FDFT1: variants seen among roughly 807,000 people sequenced by gnomAD.
The protein encoded by FDFT1 is farnesyl-diphosphate farnesyltransferase 1.
Under a neutral mutation model 46.8 loss-of-function variants are expected in FDFT1, and 68 were observed. The observed-to-expected ratio is 1.45, with a 90% CI of 1.19 to 1.78. The LOEUF (loss-of-function observed/expected upper bound fraction) is 1.78. Ranked by LOEUF, FDFT1 falls within the 40% of genes most tolerant of loss-of-function variation. The pLI, the probability that FDFT1 is intolerant of heterozygous loss-of-function variation, is 0.00. For missense variants in FDFT1, 928 were observed against 524.4 expected, an observed-to-expected ratio of 1.77 and a Z score of -7.52; for synonymous variants, 351 against 185.1, an observed-to-expected ratio of 1.90 and a Z score of -7.28.
At chr8:11,823,132 T>G (rs1809494874) in intron 4 of FDFT1, among the ~76,000 whole-genome samples, 2 of 152,046 alleles carry the variant, frequency 1.3e-5, no homozygotes, top group African/African-American at 4.8e-5. Context: ...TTTTGTACAT[T>G]TTTTGTAGAG....
chr8:11,826,846 C>G (rs1387977724), intron 5 of FDFT1, among the ~76,000 whole-genome samples: 1 of 152,130 alleles, frequency 6.6e-6, no homozygotes, highest in East Asian at 1.9e-4. Context: ...TTCTTCTGCT[C>G]AGCCCTGAAT....
intron 3 of FDFT1, among the ~76,000 whole-genome samples, chr8:11,820,817 C>T (rs1809130117): frequency 6.6e-6 from 1 of 152,236 alleles, no homozygotes; most frequent in Non-Finnish European, 1.5e-5. Flanking sequence ...TGACCCCTTG[C>T]ACTTCCTGGA....
At chr8:11,811,162 C>T (rs1299053970) in intron 3 of FDFT1, among the ~76,000 whole-genome samples, 1 of 152,124 alleles carries the variant, frequency 6.6e-6, no homozygotes, top group Non-Finnish European at 1.5e-5. Flanking sequence ...AACTGTAACC[C>T]TGGGAAGGTC....
intron 2 of FDFT1, 106 bp from the exon 3 acceptor site, chr8:11,809,554 CTTTAGAG>C: frequency 3.0e-6 from 4 of 1,312,842 alleles, no homozygotes; most frequent in Non-Finnish European, 4.0e-6. Context: ...CCTTATAGTT[CTTTAGAG>C]TTAAGGGTGA....
chr8:11,819,715 C>G (rs1295914558), intron 3 of FDFT1, among the ~76,000 whole-genome samples: 1 of 152,094 alleles, frequency 6.6e-6, no homozygotes, highest in African/African-American at 2.4e-5. Flanking sequence ...AAGCTCTTCT[C>G]TACACTGGTT....
At chr8:11,802,357 G>A (rs1003455752), upstream of FDFT1, 9 of 442,486 alleles carry the variant, frequency 2.0e-5, no homozygotes, top group South Asian at 3.2e-5. Context: ...AAGCAGCCCC[G>A]CACTGCTCTC....
At chr8:11,824,931 T>A (rs1033634784) in intron 4 of FDFT1, among the ~76,000 whole-genome samples, 2 of 151,966 alleles carry the variant, frequency 1.3e-5, no homozygotes, top group Non-Finnish European at 2.9e-5. Flanking sequence ...GAGACGGGGT[T>A]TCACCGTCTT....
intron 7 of FDFT1, among the ~76,000 whole-genome samples, chr8:11,832,150 A>G (rs1306927533): frequency 6.6e-6 from 1 of 152,218 alleles, no homozygotes; most frequent in Non-Finnish European, 1.5e-5. Flanking sequence ...ATCAAGTTGC[A>G]ATTATTTCCT....
At chr8:11,820,254 G>T (rs1185795281) in intron 3 of FDFT1, among the ~76,000 whole-genome samples, 1 of 152,138 alleles carries the variant, frequency 6.6e-6, no homozygotes, top group Non-Finnish European at 1.5e-5. Flanking sequence ...TGAGGTGTCT[G>T]TCGGCCCCTA....
intron 3 of FDFT1, among the ~76,000 whole-genome samples, chr8:11,813,386 C>T (rs557838075): frequency 2.6e-5 from 4 of 152,276 alleles, no homozygotes; most frequent in African/African-American, 9.6e-5. Flanking sequence ...AAATATATTT[C>T]ATCGTTAATT....
intron 3 of FDFT1, among the ~76,000 whole-genome samples, chr8:11,819,771 T>G (rs549402610): frequency 6.6e-6 from 1 of 152,116 alleles, no homozygotes; most frequent in Admixed American, 6.5e-5. Context: ...GTTTTAAGTT[T>G]CCTTGCGATC....
intron 1 of FDFT1, chr8:11,808,347 C>A (rs1241210700): frequency 9.0e-6 from 11 of 1,227,884 alleles, no homozygotes; most frequent in Admixed American, 4.3e-5. Context: ...GAGGAGGCGC[C>A]GGTGCGGAGC....
chr8:11,802,685 G>A, upstream of FDFT1: 3 of 657,946 alleles, frequency 4.6e-6, no homozygotes, highest in South Asian at 5.6e-5. Context: ...GAAGTGGGCG[G>A]AGCGGCGGGC....
rs1407978594 is a variant in FDFT1, at chr8:11,809,739, G to A, written c.270G>A (p.Val90=). The part of the protein sequence containing the change: ...DTLEDDMTIS[V]EKKVPLLHNF... ...TGGAAGATGACATGACCATCAGTGT[G>A]GAAAAGAAGGTCCCGCTGTTACACA... The change falls in exon 3 of 8, where the codon GTG becomes GTA. Residue 90 remains valine (V), a synonymous_variant. Coordinates refer to ENST00000220584, the MANE Select transcript of FDFT1 (RefSeq NM_004462.5). 8.7e-6 allele frequency: 14 copies of A among 1,614,068 alleles called. No homozygotes were observed. The highest frequency in any genetic ancestry group is 1.2e-5 in the Non-Finnish European group (14 of 1,179,956).
chr8:11,822,980 A>T (rs1369765579), intron 4 of FDFT1, among the ~76,000 whole-genome samples: 1 of 152,180 alleles, frequency 6.6e-6, no homozygotes, highest in Non-Finnish European at 1.5e-5. Flanking sequence ...TTTTTGAGAC[A>T]GGGTCTTGCT....
intron 5 of FDFT1, among the ~76,000 whole-genome samples, chr8:11,827,993 G>C (rs1322556536): frequency 2.6e-5 from 4 of 152,170 alleles, no homozygotes; most frequent in African/African-American, 9.7e-5. Context: ...CTTGAGGTCA[G>C]GTGTTTGAGA....
chr8:11,826,953 C>T (rs774933040), intron 5 of FDFT1, among the ~76,000 whole-genome samples: 10 of 152,230 alleles, frequency 6.6e-5, no homozygotes, highest in South Asian at 2.1e-4. Flanking sequence ...AAGAATTCTG[C>T]AGCAGGAAGG....
chr8:11,798,699 C>G (rs560548328), upstream of FDFT1, among the ~76,000 whole-genome samples: 49 of 152,308 alleles, frequency 3.2e-4, no homozygotes, highest in Middle Eastern at 3.4e-3. Context: ...TAGGCACCAT[C>G]GTGTCCTATA....
At chr8:11,798,114 T>C (rs1051227699), upstream of FDFT1, 6 of 152,240 alleles carry the variant, frequency 3.9e-5, no homozygotes, top group African/African-American at 1.4e-4. Context: ...TCTCACTTTG[T>C]TGCCCAGGCT....
Sources: allele counts gnomAD v4.1 joint callset (sites outside exome capture counted in the v4.1 genomes callset), GRCh38; gene constraint gnomAD v4.1.1; transcripts MANE v1.5; gene names NCBI Gene and HGNC (gene_info 2026-07-23, HGNC 2026-07-21).